AATF: variants seen among roughly 807,000 people sequenced by gnomAD.
AATF encodes the protein apoptosis antagonizing transcription factor.
Under a neutral mutation model 63.7 loss-of-function variants are expected in AATF, and 48 were observed. The observed-to-expected ratio is 0.75, with a 90% CI of 0.60 to 0.96. The LOEUF is 0.96. Ranked by LOEUF, AATF falls within the 40% of genes least tolerant of loss-of-function variation. The pLI is 0.00. For missense variants in AATF, 639 were observed against 685.7 expected, an observed-to-expected ratio of 0.93 and a Z score of 0.76; for synonymous variants, 258 against 247.7, an observed-to-expected ratio of 1.04 and a Z score of -0.39.
At chr17:37,006,395 G>A (rs186051179) in intron 8 of AATF, among the ~76,000 whole-genome samples, 24 of 152,214 alleles carry the variant, frequency 1.6e-4, no homozygotes, top group African/African-American at 5.5e-4. Context: ...CTTGAACCCA[G>A]GAGACTGAGA....
chr17:36,988,767 A>G (rs1254286698), intron 6 of AATF, 47 bp downstream of exon 6: 2 of 1,572,558 alleles, frequency 1.3e-6, no homozygotes, highest in South Asian at 2.3e-5. Flanking sequence ...GGTTGTGGCA[A>G]CTTGAAGAAG....
intron 11 of AATF, among the ~76,000 whole-genome samples, chr17:37,050,736 G>A (rs1258660419): frequency 6.6e-6 from 1 of 152,132 alleles, no homozygotes; most frequent in African/African-American, 2.4e-5. Flanking sequence ...ATTCTGCAAT[G>A]TATGTATGGG....
chr17:37,056,441 CTGT>C, intron 11 of AATF, 157 bp from the exon 12 acceptor site: 1 of 666,978 alleles, frequency 1.5e-6, no homozygotes, highest in South Asian at 2.0e-5. Context: ...TTTCTTCCTT[CTGT>C]TGTATTTGTG....
At position 36,950,300 on chromosome 17, in the gene AATF, GC is replaced by G. The variant is rs764978310; in HGVS notation, c.179del (p.Ala60AspfsTer150). 2.5e-6 allele frequency: 4 copies of G among 1,614,136 alleles called. No homozygotes were observed. Among genetic ancestry groups the G allele is most frequent in the Non-Finnish European group, 2.5e-6 (3 of 1,180,022 alleles). ...AGTAGTGGGTAGCATTAGAAAACTGGCATCAGCCTCCCTCTTGGACACGGAC... is the reference window on the plus strand; with the variant it reads ...AGTAGTGGGTAGCATTAGAAAACTGGATCAGCCTCCCTCTTGGACACGGAC... ...FLVVGSIRKL[A>X]SASLLDTDKR... On this transcript the variant is annotated frameshift_variant, in exon 2 of 12. Transcript: ENST00000619387. LOFTEE classifies it high-confidence loss of function.
chr17:37,048,405 C>G (rs1681808), intron 11 of AATF, among the ~76,000 whole-genome samples: 14 of 104,762 alleles, frequency 1.3e-4, no homozygotes, highest in African/African-American at 5.1e-4. Context: ...GAGTCTCACT[C>G]TTTTGCCCAG....
chr17:37,022,113 C>CGTGCGTGT (rs1491347309), intron 10 of AATF, among the ~76,000 whole-genome samples: 2 of 145,334 alleles, frequency 1.4e-5, no homozygotes, highest in African/African-American at 5.1e-5. Flanking sequence ...TGGTAACTGC[C>CGTGCGTGT]GTGTGTGTGT....
chr17:37,042,829 C>T (rs2071653511), intron 11 of AATF, among the ~76,000 whole-genome samples: 1 of 150,586 alleles, frequency 6.6e-6, no homozygotes, highest in Non-Finnish European at 1.5e-5. Context: ...GCAAGCTCCT[C>T]CTCCCGGGTT....
chr17:37,048,376 T>C (rs1021543297), intron 11 of AATF, among the ~76,000 whole-genome samples: 1 of 142,962 alleles, frequency 7.0e-6, no homozygotes, highest in African/African-American at 2.6e-5. Flanking sequence ...TTTTTTTTTT[T>C]TTTTTTTTTT....
At chr17:36,990,699 A>C in intron 7 of AATF, 75 bp from the exon 8 acceptor site, 1 of 891,070 alleles carries the variant, frequency 1.1e-6, no homozygotes, top group Admixed American at 2.7e-5. Flanking sequence ...ACTGTTCTAC[A>C]TATTATTTAT....
chr17:36,951,592 C>A (rs1321462823), intron 2 of AATF, among the ~76,000 whole-genome samples: 1 of 152,074 alleles, frequency 6.6e-6, no homozygotes, highest in Non-Finnish European at 1.5e-5. Flanking sequence ...AATCGAGGGG[C>A]AAATTGGTTA....
intron 1 of AATF, among the ~76,000 whole-genome samples, chr17:36,949,778 G>A (rs547210230): frequency 6.6e-6 from 1 of 152,346 alleles, no homozygotes; most frequent in Non-Finnish European, 1.5e-5. Flanking sequence ...TCGGAAGTGT[G>A]AGAAAGGGAT....
intron 4 of AATF, among the ~76,000 whole-genome samples, chr17:36,962,565 A>AT (rs796321224): frequency 0.043 from 6,186 of 145,446 alleles, 323 homozygotes; most frequent in African/African-American, 0.12. Flanking sequence ...ATCAGAAACA[A>AT]TTTTTTTTTT....
chr17:36,978,405 G>T (rs1183187445), intron 4 of AATF, among the ~76,000 whole-genome samples: 1 of 151,952 alleles, frequency 6.6e-6, no homozygotes. Flanking sequence ...TGCATAGATC[G>T]CACGCCTTCT....
intron 4 of AATF, among the ~76,000 whole-genome samples, chr17:36,974,304 G>C (rs562308578): frequency 2.6e-5 from 4 of 151,932 alleles, no homozygotes; most frequent in East Asian, 3.9e-4. Context: ...ATTTTTCCTT[G>C]TCATTAAATA....
intron 8 of AATF, among the ~76,000 whole-genome samples, chr17:37,004,497 A>G (rs780463899): frequency 6.6e-6 from 1 of 152,130 alleles, no homozygotes; most frequent in Non-Finnish European, 1.5e-5. Context: ...GATCCCGTAG[A>G]GAGGTAAAAA....
chr17:36,969,067 C>G (rs2071019178), intron 4 of AATF, among the ~76,000 whole-genome samples: 1 of 151,978 alleles, frequency 6.6e-6, no homozygotes, highest in Non-Finnish European at 1.5e-5. Context: ...CCTCTGCGGT[C>G]TCTGTTGATT....
At chr17:37,038,922 A>C (rs929916811) in intron 11 of AATF, among the ~76,000 whole-genome samples, 6 of 152,230 alleles carry the variant, frequency 3.9e-5, no homozygotes, top group Non-Finnish European at 5.9e-5. Flanking sequence ...GTGCTTTGTC[A>C]ACATCACTGC....
At chr17:36,994,771 TA>T (rs1048064549) in intron 8 of AATF, among the ~76,000 whole-genome samples, 2 of 152,262 alleles carry the variant, frequency 1.3e-5, no homozygotes, top group East Asian at 1.9e-4. Flanking sequence ...TGTTTTGTTT[TA>T]TTTTTTTAAA....
intron 4 of AATF, among the ~76,000 whole-genome samples, chr17:36,977,475 GT>G (rs906130291): frequency 2.3e-4 from 33 of 145,610 alleles, no homozygotes; most frequent in East Asian, 1.6e-3. Context: ...AGCAGAGGCT[GT>G]TTTTTTTTTT....
Sources: gnomAD v4.1 joint callset for allele counts (sites outside exome capture counted in the v4.1 genomes callset) on GRCh38, gnomAD v4.1.1 for gene constraint, MANE v1.5 for transcripts, NCBI Gene and HGNC (gene_info 2026-07-23, HGNC 2026-07-21) for gene names.